The following CHRNB3 variants were observed in gnomAD, a reference collection of about 807,000 sequenced individuals.
The protein encoded by CHRNB3 is cholinergic receptor nicotinic beta 3 subunit, also known as neuronal acetylcholine receptor subunit beta-3.
A neutral mutation model predicts 40.6 loss-of-function variants in CHRNB3; 37 were observed. The observed-to-expected ratio is 0.91, with a 90% CI of 0.70 to 1.20. The LOEUF (loss-of-function observed/expected upper bound fraction) is 1.20, where lower values mean the gene tolerates loss of function less well. Among genes scored for constraint, CHRNB3 ranks in the 50% most tolerant of loss-of-function variants. The pLI, the probability that CHRNB3 is intolerant of heterozygous loss-of-function variation, is 0.00. For missense variants in CHRNB3, 505 were observed against 551.2 expected, an observed-to-expected ratio of 0.92 and a Z score of 0.84; for synonymous variants, 207 against 207.1, an observed-to-expected ratio of 1.00 and a Z score of 0.00.
In CHRNB3 at chr8:42,736,591, G is replaced by A. The variant is rs1473762351; in HGVS notation, c.1350G>A (p.Leu450=). The change falls in exon 6 of 6, where the codon TTG becomes TTA. Residue 450 remains leucine, a synonymous_variant. Coordinates refer to ENST00000289957, the MANE Select transcript of CHRNB3 (RefSeq NM_000749.5). ...CGGTTCTGATTTTTACCCCTGCTTT[G>A]AAGATGTGGCTACATAGTTACCATT... ...TGSVLIFTPA[L]KMWLHSYH is the part of the protein sequence containing the mutation. 6.2e-7 allele frequency: 1 copy of A among 1,614,164 alleles called. No homozygotes were observed. The highest frequency in any genetic ancestry group is 1.1e-5 in the South Asian group (1 of 91,082).
intron 5 of CHRNB3, 123 bp downstream of exon 5, chr8:42,732,672 T>A: frequency 1.1e-6 from 1 of 913,804 alleles, no homozygotes; most frequent in Admixed American, 3.4e-5. Context: ...GACATGCTTT[T>A]TATACATATA....
chr8:42,702,926 T>G (rs770628846), intron 1 of CHRNB3, among the ~76,000 whole-genome samples: 1 of 152,166 alleles, frequency 6.6e-6, no homozygotes, highest in African/African-American at 2.4e-5. Context: ...ATGGCTGGCC[T>G]GGCCGCCAGA....
At position 42,730,724 on chromosome 8, in the gene CHRNB3, T is replaced by C. The variant is rs770706195; in HGVS notation, c.359+21T>C. The C allele has an allele frequency of 1.8e-5, 27 of 1,466,428 alleles. No individual in the cohort carries two copies. The South Asian group carries it at 3.1e-4, about 17-fold the overall frequency. 90.8% of individuals were successfully genotyped at this position (1,466,428 alleles called of 1,614,324 possible). A position where few individuals can be genotyped will look rare whatever the true frequency, so the allele number is the denominator to read the frequency against. On this transcript the variant is annotated intron_variant, in intron 4 of 5. Transcript: ENST00000289957. ...GAAAAGTAAGTATCACATTGTTTCT[T>C]ACTTATGGGGAAAAAAATAAATTTT...
intron 3 of CHRNB3, chr8:42,726,315 A>G (rs1816308207): frequency 1.8e-6 from 1 of 563,398 alleles, no homozygotes; most frequent in Non-Finnish European, 3.1e-6. Flanking sequence ...AAGAAATAAA[A>G]CGCTCCACTT....
At chr8:42,697,665 A>G (rs943608788) in intron 1 of CHRNB3, 67 bp downstream of exon 1, 1 of 1,159,330 alleles carries the variant, frequency 8.6e-7, no homozygotes, top group South Asian at 1.2e-5. Context: ...AGGCAAAACT[A>G]TGGTGTTGAT....
chr8:42,708,474 TACACACACACAC>T (rs4955), intron 1 of CHRNB3, among the ~76,000 whole-genome samples: 1 of 148,816 alleles, frequency 6.7e-6, no homozygotes, highest in African/African-American at 2.5e-5. Context: ...TCAAAAAAAA[TACACACACACAC>T]ACACACACAC....
chr8:42,715,633 C>CCT (rs10647860), intron 3 of CHRNB3, among the ~76,000 whole-genome samples: 7,047 of 152,176 alleles, frequency 0.046, 207 homozygotes, highest in Middle Eastern at 0.11. Context: ...CCTGTCTTAT[C>CCT]CTGTTTCCAT....
At chr8:42,700,058 G>C (rs1815757496) in intron 1 of CHRNB3, among the ~76,000 whole-genome samples, 1 of 151,088 alleles carries the variant, frequency 6.6e-6, no homozygotes, top group Admixed American at 6.6e-5. Context: ...CTGTCGCCCA[G>C]GCTGGAGTAC....
intron 3 of CHRNB3, among the ~76,000 whole-genome samples, chr8:42,727,861 CA>C (rs1816338300): frequency 6.6e-6 from 1 of 151,886 alleles, no homozygotes; most frequent in Admixed American, 6.6e-5. Context: ...GACTCTGTCT[CA>C]AAAAACAAAC....
At chr8:42,729,136 G>A (rs7459838) in intron 3 of CHRNB3, among the ~76,000 whole-genome samples, 93,029 of 151,920 alleles carry the variant, frequency 0.61, 32,955 homozygotes, top group East Asian at 0.8. Flanking sequence ...GGCCGGGCAC[G>A]GTGGCTCACA....
intron 3 of CHRNB3, among the ~76,000 whole-genome samples, chr8:42,714,563 C>A (rs992324695): frequency 1.3e-5 from 2 of 151,472 alleles, no homozygotes; most frequent in South Asian, 2.1e-4. Context: ...AAAAAAAAAA[C>A]CATGAAAAGA....
At position 42,697,590 on chromosome 8, in the gene CHRNB3, C is replaced by T; in HGVS notation, c.44C>T (p.Pro15Leu). 1 of 1,613,190 alleles carries T rather than the reference C, an allele frequency of 6.2e-7. No homozygotes were observed. The highest frequency in any genetic ancestry group is 8.5e-7 in the Non-Finnish European group (1 of 1,179,190). ...CTGGTTCTCATCGTCCTTGGCATCC[C>T]TTCCTCAGGTAAGCACAAGTCACAG... ...FMLVLIVLGI[P>L]SSATTGFNSI... The change falls in exon 1 of 6, where the codon CCT (proline) becomes CTT (leucine). Residue 15 changes from proline (P) to leucine (L), a missense_variant. Physicochemically the swap from Pro to Leu is moderately conservative, Grantham distance 98 (BLOSUM62 -3). Transcript: ENST00000289957.
intron 1 of CHRNB3, among the ~76,000 whole-genome samples, chr8:42,706,853 G>A (rs1286454588): frequency 5.3e-5 from 8 of 151,992 alleles, no homozygotes; most frequent in Admixed American, 5.2e-4. Flanking sequence ...CTTGACTTCC[G>A]GGACTCAAGC....
At position 42,736,685 on chromosome 8, in the gene CHRNB3, C is replaced by A; in HGVS notation, c.*67C>A. The A allele has an allele frequency of 6.4e-7, 1 of 1,574,546 alleles. No individual in the cohort carries two copies. The highest frequency in any genetic ancestry group is 8.7e-7 in the Non-Finnish European group (1 of 1,147,704). ...CATCTGGCTATCACACAGACAGAATCCAAATGCATGTGCTTGTTCTACGAA... is the reference window on the plus strand; with the variant it reads ...CATCTGGCTATCACACAGACAGAATACAAATGCATGTGCTTGTTCTACGAA... On this transcript the variant is annotated 3_prime_UTR_variant, in exon 6 of 6. Coordinates refer to ENST00000289957, the MANE Select transcript of CHRNB3 (RefSeq NM_000749.5).
chr8:42,736,748 C>T lies in CHRNB3; in HGVS notation c.*130C>T. The T allele has an allele frequency of 9.1e-7, 1 of 1,104,736 alleles. No homozygotes were observed. 68.4% of individuals were successfully genotyped at this position (1,104,736 alleles called of 1,614,324 possible). ...TGTCTTTGTGGAAATGGAACATCTCCTCATGGGAGAAACTCTGGTAAATGT... is the reference window on the plus strand; with the variant it reads ...TGTCTTTGTGGAAATGGAACATCTCTTCATGGGAGAAACTCTGGTAAATGT... On this transcript the variant is annotated 3_prime_UTR_variant, in exon 6 of 6. Coordinates refer to ENST00000289957, the MANE Select transcript of CHRNB3 (RefSeq NM_000749.5).
At chr8:42,705,875 G>C (rs763361975) in intron 1 of CHRNB3, 2 of 152,168 alleles carry the variant, frequency 1.3e-5, no homozygotes, top group East Asian at 1.9e-4. Context: ...ATTGTTGCTC[G>C]AGTGGTTGTC....
chr8:42,711,477 C>T (rs1224010897), intron 3 of CHRNB3, among the ~76,000 whole-genome samples: 1 of 151,884 alleles, frequency 6.6e-6, no homozygotes, highest in Non-Finnish European at 1.5e-5. Flanking sequence ...TCACTGCAAC[C>T]TCTGCCTCCC....
intron 5 of CHRNB3, among the ~76,000 whole-genome samples, chr8:42,733,519 G>A (rs1207778491): frequency 6.6e-6 from 1 of 151,734 alleles, no homozygotes; most frequent in Non-Finnish European, 1.5e-5. Context: ...AGCACACAGG[G>A]GCTCAGCTCC....
intron 1 of CHRNB3, among the ~76,000 whole-genome samples, chr8:42,697,884 A>G (rs1815704391): frequency 6.6e-6 from 1 of 152,218 alleles, no homozygotes; most frequent in East Asian, 1.9e-4. Context: ...AGCAGGAAAA[A>G]CATTATTGAA....
Sources: gnomAD v4.1 joint callset for allele counts (sites outside exome capture counted in the v4.1 genomes callset) on GRCh38, gnomAD v4.1.1 for gene constraint, MANE v1.5 for transcripts, NCBI Gene and HGNC (gene_info 2026-07-23, HGNC 2026-07-21) for gene names.